SVEP1: variants seen among roughly 807,000 people sequenced by gnomAD.
The protein encoded by SVEP1 is sushi, von Willebrand factor type A, EGF and pentraxin domain-containing protein 1.
In SVEP1, 164 loss-of-function variants were observed where a neutral mutation model predicts 367.3. The ratio of observed to expected loss-of-function variants is 0.45; its 90% CI spans 0.39 to 0.51. The LOEUF (loss-of-function observed/expected upper bound fraction) is 0.51. Among genes scored for constraint, SVEP1 ranks in the 20% least tolerant of loss-of-function variants. The probability of loss-of-function intolerance (pLI) is 0.00; values close to 1 mark genes in which losing one functional copy is unlikely to be tolerated. For synonymous variants in SVEP1, 1,666 were observed against 1,611.6 expected (o/e 1.03, Z -0.81); for missense variants, 4,117 against 4,425.3 (o/e 0.93, Z 1.98).
chr9:110,495,071 G>A (rs1225812375), intron 8 of SVEP1, among the ~76,000 whole-genome samples: 1 of 152,054 alleles, frequency 6.6e-6, no homozygotes, highest in Non-Finnish European at 1.5e-5. Flanking sequence ...ATTCCCTTTA[G>A]TTACGCTTCA....
At chr9:110,444,923 T>C (rs184816814) in intron 26 of SVEP1, among the ~76,000 whole-genome samples, 121 of 152,212 alleles carry the variant, frequency 7.9e-4, no homozygotes, top group African/African-American at 2.7e-3. Context: ...TTAAGAAGAA[T>C]AGTATTTGAG....
At chr9:110,541,435 T>A (rs1330710622) in intron 3 of SVEP1, among the ~76,000 whole-genome samples, 1 of 152,146 alleles carries the variant, frequency 6.6e-6, no homozygotes, top group African/African-American at 2.4e-5. Context: ...GCAAGGGCTC[T>A]TTACTAGGTG....
At chr9:110,482,629 C>T (rs1399403196) in intron 10 of SVEP1, 137 bp from the exon 11 acceptor site, 19 of 975,606 alleles carry the variant, frequency 1.9e-5, no homozygotes, top group African/African-American at 1.0e-4. Flanking sequence ...CAGGCTCAAG[C>T]GATTCTCCTG....
At chr9:110,378,235 TAAGTG>T (rs991558274) in intron 44 of SVEP1, among the ~76,000 whole-genome samples, 1 of 152,200 alleles carries the variant, frequency 6.6e-6, no homozygotes, top group African/African-American at 2.4e-5. Flanking sequence ...CTTTAGACTT[TAAGTG>T]AAGTCTGGGA....
At chr9:110,569,330 C>T (rs946034959) in intron 1 of SVEP1, among the ~76,000 whole-genome samples, 1 of 151,806 alleles carries the variant, frequency 6.6e-6, no homozygotes, top group African/African-American at 2.4e-5. Context: ...GTGGTGCATG[C>T]CTGTAATCCC....
intron 27 of SVEP1, 131 bp from the exon 28 acceptor site, chr9:110,436,635 T>A: frequency 1.5e-6 from 2 of 1,294,310 alleles, no homozygotes; most frequent in Non-Finnish European, 2.1e-6. Flanking sequence ...CAAAATTCTG[T>A]AAATTTACTG....
intron 3 of SVEP1, among the ~76,000 whole-genome samples, chr9:110,528,156 G>GTGTGTGTGTATATATATATATA: frequency 7.7e-4 from 26 of 33,934 alleles, no homozygotes; most frequent in Non-Finnish European, 1.1e-3. Flanking sequence ...GTGTGTGTGT[G>GTGTGTGTGTATATATATATATA]TATATATATA....
chr9:110,414,397 G>A (rs1344440353), intron 36 of SVEP1, among the ~76,000 whole-genome samples: 1 of 151,940 alleles, frequency 6.6e-6, no homozygotes, highest in Non-Finnish European at 1.5e-5. Context: ...GATGGAAGTG[G>A]TCTCAAAATG....
chr9:110,451,303 A>G lies in SVEP1; in HGVS notation c.3887T>C (p.Val1296Ala), dbSNP rs1453623831. 1.2e-6 allele frequency: 2 copies of G among 1,613,484 alleles called. No homozygotes were observed. Among genetic ancestry groups the G allele is most frequent in the East Asian group, 4.5e-5 (2 of 44,884 alleles). Reference sequence around the variant, plus strand: ...AAACATCTTACCTACAAATCCTTTCACACATGTGCAACGATAGCCAGCCAC... The same window carrying G: ...AAACATCTTACCTACAAATCCTTTCGCACATGTGCAACGATAGCCAGCCAC... ...DGVAGYRCTC[V>A]KGFVGLHCET... Residue 1296 changes from valine to alanine, a missense_variant, in exon 23 of 48, where the codon GTG (valine) becomes GCG (alanine). Around this residue, in one of 4 missense-constraint regions of SVEP1, gnomAD observed 2,174 missense variants for 2,494.3 expected, o/e 0.87. Transcript: ENST00000374469.
intron 1 of SVEP1, among the ~76,000 whole-genome samples, chr9:110,552,024 C>CTTTTTTTT (rs34366561): frequency 7.8e-5 from 6 of 77,004 alleles, no homozygotes; most frequent in East Asian, 5.0e-4. Flanking sequence ...GGTACCCAAC[C>CTTTTTTTT]TTTTTTTTTT....
At chr9:110,395,600 G>C (rs1004950988) in intron 40 of SVEP1, among the ~76,000 whole-genome samples, 1 of 152,024 alleles carries the variant, frequency 6.6e-6, no homozygotes, top group African/African-American at 2.4e-5. Flanking sequence ...GCTATATTCA[G>C]GAAACCCATC....
chr9:110,368,201 C>T (rs975880692), intron 47 of SVEP1, among the ~76,000 whole-genome samples: 3 of 152,170 alleles, frequency 2.0e-5, no homozygotes, highest in African/African-American at 2.4e-5. Flanking sequence ...GAGAGGTACA[C>T]GTGGCTTTCA....
At chr9:110,474,552 C>A (rs542826014) in intron 14 of SVEP1, among the ~76,000 whole-genome samples, 2 of 152,084 alleles carry the variant, frequency 1.3e-5, no homozygotes, top group Non-Finnish European at 2.9e-5. Flanking sequence ...ACAAATATCG[C>A]TCATCTCATA....
rs1290502644 is a variant in SVEP1, at chr9:110,579,408, T to A, written c.136A>T (p.Ile46Phe). 6.3e-7 allele frequency: 1 copy of A among 1,577,220 alleles called. No individual in the cohort carries two copies. The highest frequency in any genetic ancestry group is 8.6e-7 in the Non-Finnish European group (1 of 1,162,642). ...PETAPGAPGS[I>F]PAPPAPGDEA... ...TCGCCAGGAGCGGGCGGCGCGGGGA[T>A]ACTCCCGGGGGCCCCGGGCGCGGTC... The change falls in exon 1 of 48, where the codon ATC (isoleucine) becomes TTC (phenylalanine). Residue 46 changes from isoleucine to phenylalanine, a missense_variant. By Grantham distance (21) the Ile-to-Phe change is conservative. Coordinates refer to ENST00000374469, the MANE Select transcript of SVEP1 (RefSeq NM_153366.4). This position sits in a 1 kb window ranked among gnomAD's most constrained non-coding sequence, Gnocchi z 5.3.
intron 41 of SVEP1, among the ~76,000 whole-genome samples, chr9:110,388,916 C>T (rs1272287033): frequency 6.6e-6 from 1 of 151,750 alleles, no homozygotes; most frequent in Non-Finnish European, 1.5e-5. Flanking sequence ...TTGCAGTGAG[C>T]TGAGGTTGCA....
At chr9:110,447,484 T>G (rs575315445) in intron 24 of SVEP1, among the ~76,000 whole-genome samples, 12 of 152,224 alleles carry the variant, frequency 7.9e-5, no homozygotes, top group Non-Finnish European at 1.2e-4. Context: ...TTTACCCAAG[T>G]TCTATTGCTA....
In SVEP1 at chr9:110,387,389, G is replaced by C. The variant is rs749868711; in HGVS notation, c.9956C>G (p.Pro3319Arg). 3.7e-6 allele frequency: 6 copies of C among 1,613,460 alleles called. No individual in the cohort carries two copies. The highest frequency in any genetic ancestry group is 5.1e-6 in the Non-Finnish European group (6 of 1,179,734). ...TCTGTTGCAGGAATATACCACGTTG[G>C]GTCCAGTCGTCCTGTTTTCAATGTC... ...KADIENRTTG[P>R]NVVYSCNRGY... Residue 3319 changes from proline to arginine, a missense_variant, in exon 42 of 48, where the codon CCC becomes CGC. Around this residue, in one of 4 missense-constraint regions of SVEP1, gnomAD observed 1,765 missense variants for 1,781.1 expected, o/e 0.99. Transcript: ENST00000374469.
chr9:110,557,269 T>C (rs1474253474), intron 1 of SVEP1, among the ~76,000 whole-genome samples: 1 of 152,238 alleles, frequency 6.6e-6, no homozygotes, highest in African/African-American at 2.4e-5. Flanking sequence ...TGTCATTCTC[T>C]TCTCTACTTC....
At chr9:110,430,853 GA>G in intron 32 of SVEP1, among the ~76,000 whole-genome samples, 1 of 152,246 alleles carries the variant, frequency 6.6e-6, no homozygotes, top group East Asian at 1.9e-4. Context: ...GCAGATTCAG[GA>G]AAGTTTCCAG....
Sources: allele counts gnomAD v4.1 joint callset (sites outside exome capture counted in the v4.1 genomes callset), GRCh38; gene constraint gnomAD v4.1.1; regional missense constraint gnomAD v4.1.1; non-coding constraint Gnocchi (gnomAD v3.1); transcripts MANE v1.5; gene names NCBI Gene and HGNC (gene_info 2026-07-23, HGNC 2026-07-21).